The following TRIO variants were observed in gnomAD, a reference collection of about 807,000 sequenced individuals.
The protein encoded by TRIO is triple functional domain protein.
Under a neutral mutation model 351.9 loss-of-function variants are expected in TRIO, and 58 were observed. That is an observed-to-expected ratio of 0.16 (90% CI 0.13 to 0.21). The LOEUF is 0.21. Ranked by LOEUF, TRIO falls within the 10% of genes least tolerant of loss-of-function variation. TRIO has a pLI of 1.00. For synonymous variants in TRIO, 1,758 were observed against 1,595.7 expected (o/e 1.10, Z -2.42); for missense variants, 3,201 against 4,027.8 (o/e 0.79, Z 5.56).
chr5:14,366,975 T>C lies in TRIO; in HGVS notation c.2870T>C (p.Ile957Thr). 6.2e-7 allele frequency: 1 copy of C among 1,614,026 alleles called. No individual in the cohort carries two copies. The highest frequency in any genetic ancestry group is 8.5e-7 in the Non-Finnish European group (1 of 1,180,002). The change falls in exon 16 of 57, where the codon ATT becomes ACT. Residue 957 changes from isoleucine (I) to threonine (T), a missense_variant. Coordinates refer to ENST00000344204, the MANE Select transcript of TRIO (RefSeq NM_007118.4). ...QREHEQFQHA[I>T]EKTHQSALQV... The stretch of plus-strand genomic sequence containing the variant: ...GAGCACGAGCAGTTCCAGCATGCCA[T>C]TGAGGTAAGGGCGCTGGGCCTGCCT...
chr5:14,210,125 TG>T (rs968753628), intron 1 of TRIO, among the ~76,000 whole-genome samples: 2 of 152,200 alleles, frequency 1.3e-5, no homozygotes, highest in Admixed American at 6.5e-5. Context: ...GGGAGTCAGA[TG>T]GAGGAGCGGT....
chr5:14,384,759 A>C (rs536151144), intron 21 of TRIO, among the ~76,000 whole-genome samples: 44 of 152,216 alleles, frequency 2.9e-4, no homozygotes, highest in Non-Finnish European at 5.0e-4. Flanking sequence ...ATGAAAGAAA[A>C]GGTTAATAAA....
chr5:14,270,958 G>C (rs947690881), intron 2 of TRIO, 59 bp downstream of exon 2: 128 of 1,269,268 alleles, frequency 1.0e-4, no homozygotes, highest in Admixed American at 2.7e-4. Context: ...TTCAGAGTCT[G>C]ACGTAATAAA....
At chr5:14,389,894 G>A (rs1258454708) in intron 25 of TRIO, among the ~76,000 whole-genome samples, 1 of 152,168 alleles carries the variant, frequency 6.6e-6, no homozygotes, top group Non-Finnish European at 1.5e-5. Flanking sequence ...TCCTTTAGGT[G>A]GCCTGTGATG....
At chr5:14,374,621 G>C (rs1463291973) in intron 19 of TRIO, among the ~76,000 whole-genome samples, 2 of 152,106 alleles carry the variant, frequency 1.3e-5, no homozygotes, top group African/African-American at 4.8e-5. Flanking sequence ...ACTGACATTG[G>C]CTATTTTGTT....
chr5:14,333,152 C>A (rs1323103868), intron 10 of TRIO, among the ~76,000 whole-genome samples: 2 of 152,160 alleles, frequency 1.3e-5, no homozygotes, highest in Non-Finnish European at 2.9e-5. Flanking sequence ...ACCCGCGGGC[C>A]ACTTCACCTC....
chr5:14,386,023 C>G (rs1746509355), intron 21 of TRIO, among the ~76,000 whole-genome samples: 1 of 152,204 alleles, frequency 6.6e-6, no homozygotes, highest in African/African-American at 2.4e-5. Flanking sequence ...AGGTGACGTT[C>G]TCACAGGAGA....
intron 34 of TRIO, among the ~76,000 whole-genome samples, chr5:14,428,367 T>C (rs571502882): frequency 2.6e-5 from 4 of 152,178 alleles, no homozygotes; most frequent in Non-Finnish European, 4.4e-5. Context: ...AATAATATAC[T>C]GAGAAATCTA....
At position 14,231,844 on chromosome 5, in the gene TRIO, A is replaced by ATT. The variant is rs200567229; in HGVS notation, c.158-38966_158-38965dup. 1.1e-4 allele frequency among the ~76,000 whole-genome samples: 16 copies of ATT among 145,056 alleles called. No individual in the cohort carries two copies. The Middle Eastern group carries it at 0.011, about 96-fold the overall frequency. ...TTACATAGGCATAAGCCAGTGACTG[A>ATT]TTTTTTTTTTTTTTTTGATTGTTTT... is the stretch of plus-strand genomic sequence containing the variant. On this transcript the variant is annotated intron_variant, in intron 1 of 56. Coordinates refer to ENST00000344204, the MANE Select transcript of TRIO (RefSeq NM_007118.4).
At chr5:14,323,020 C>T (rs924980144) in intron 9 of TRIO, among the ~76,000 whole-genome samples, 3 of 152,126 alleles carry the variant, frequency 2.0e-5, no homozygotes, top group African/African-American at 7.2e-5. Context: ...TCATAGGAAC[C>T]ACAGCCAGGA....
intron 2 of TRIO, among the ~76,000 whole-genome samples, chr5:14,279,872 T>C (rs756771792): frequency 2.8e-4 from 43 of 152,252 alleles, no homozygotes; most frequent in Non-Finnish European, 2.4e-4. Flanking sequence ...ATGTTCCTTT[T>C]GCTTTCCTTT....
chr5:14,301,001 G>A (rs1737827159), intron 7 of TRIO, among the ~76,000 whole-genome samples: 1 of 152,108 alleles, frequency 6.6e-6, no homozygotes, highest in Non-Finnish European at 1.5e-5. Flanking sequence ...AGAGATGGAT[G>A]GGAGTGCAGT....
At chr5:14,331,626 G>A (rs1470441930) in intron 10 of TRIO, among the ~76,000 whole-genome samples, 1 of 152,196 alleles carries the variant, frequency 6.6e-6, no homozygotes, top group Non-Finnish European at 1.5e-5. Context: ...TTTAGGTGGT[G>A]GAAGCGAGTC....
intron 1 of TRIO, among the ~76,000 whole-genome samples, chr5:14,174,699 A>G (rs564274371): frequency 2.2e-4 from 34 of 152,326 alleles, no homozygotes; most frequent in South Asian, 4.1e-4. Flanking sequence ...CATTCCCTCC[A>G]TAGGTAGAGG....
At chr5:14,256,564 C>T (rs1334519275) in intron 1 of TRIO, among the ~76,000 whole-genome samples, 4 of 152,168 alleles carry the variant, frequency 2.6e-5, no homozygotes, top group Non-Finnish European at 4.4e-5. Flanking sequence ...ATATACACAC[C>T]TTCTTACAGG....
chr5:14,293,344 C>G (rs374194042), intron 6 of TRIO, among the ~76,000 whole-genome samples: 46 of 152,298 alleles, frequency 3.0e-4, no homozygotes, highest in African/African-American at 1.0e-3. Flanking sequence ...AACAAGCAAA[C>G]AGACGAACCA....
At position 14,168,487 on chromosome 5, in the gene TRIO, C is replaced by T. The variant is rs550806678; in HGVS notation, c.157+24605C>T. ...GAGACTTACACAGCCTGATATAAAT[C>T]GGTTCATTTCTCCTTGTACTGTAGT... On this transcript the variant is annotated intron_variant, in intron 1 of 56. Transcript: ENST00000344204. 2.2e-4 allele frequency among the ~76,000 whole-genome samples: 33 copies of T among 152,358 alleles called. No individual in the cohort carries two copies. The East Asian group carries it at 3.1e-3, about 14-fold the overall frequency.
intron 1 of TRIO, among the ~76,000 whole-genome samples, chr5:14,160,524 G>A (rs1437997296): frequency 6.6e-6 from 1 of 152,196 alleles, no homozygotes; most frequent in Non-Finnish European, 1.5e-5. Flanking sequence ...TGTCCAGTGG[G>A]AGCTGATAGT....
chr5:14,474,606 A>C (rs1205296208), intron 40 of TRIO, among the ~76,000 whole-genome samples: 3 of 152,228 alleles, frequency 2.0e-5, no homozygotes, highest in Admixed American at 2.0e-4. Context: ...CCATCTTTAG[A>C]ATAAATACAA....
Sources: allele counts gnomAD v4.1 joint callset (sites outside exome capture counted in the v4.1 genomes callset), GRCh38; gene constraint gnomAD v4.1.1; transcripts MANE v1.5; gene names NCBI Gene and HGNC (gene_info 2026-07-23, HGNC 2026-07-21).